Variants in XPO7 observed in about 807,000 individuals in gnomAD.
XPO7 encodes exportin-7.
In XPO7, 21 loss-of-function variants were observed where a neutral mutation model predicts 144.3. The ratio of observed to expected loss-of-function variants is 0.15; its 90% CI spans 0.10 to 0.21. The LOEUF (loss-of-function observed/expected upper bound fraction) is 0.21, where lower values mean the gene tolerates loss of function less well. XPO7 is among the 10% of genes least tolerant of loss of function. The probability of loss-of-function intolerance (pLI) is 1.00; values close to 1 mark genes in which losing one functional copy is unlikely to be tolerated. For missense variants in XPO7, 808 were observed against 1,325.8 expected, an observed-to-expected ratio of 0.61 and a Z score of 6.06; for synonymous variants, 580 against 499.6, an observed-to-expected ratio of 1.16 and a Z score of -2.15.
chr8:21,999,194 T>G lies in XPO7; in HGVS notation c.2532T>G (p.Ser844Arg). Reference sequence around the variant, plus strand: ...TCTCCATGCTGAAGGCTGCTCTCAGTGGGAGTTACGTCAATTTCGGAGTCT... The same window carrying G: ...TCTCCATGCTGAAGGCTGCTCTCAGGGGGAGTTACGTCAATTTCGGAGTCT... ...ICFSMLKAAL[S>R]GSYVNFGVFR... The change falls in exon 23 of 28, where the codon AGT (serine) becomes AGG (arginine). Residue 844 changes from serine to arginine, a missense_variant. Physicochemically the swap from Ser to Arg is moderately radical, Grantham distance 110. Around this residue, in one of 5 missense-constraint regions of XPO7, gnomAD observed 416 missense variants for 612.5 expected, o/e 0.68. Transcript: ENST00000252512. The G allele has an allele frequency of 6.2e-7, 1 of 1,614,008 alleles. No individual in the cohort carries two copies. Among genetic ancestry groups the G allele is most frequent in the Non-Finnish European group, 8.5e-7 (1 of 1,179,894 alleles).
chr8:21,933,686 G>T (rs1308709325), intron 1 of XPO7, among the ~76,000 whole-genome samples: 1 of 152,052 alleles, frequency 6.6e-6, no homozygotes, highest in African/African-American at 2.4e-5. Flanking sequence ...TCTCTACCAG[G>T]TCTACCCCTT....
intron 1 of XPO7, among the ~76,000 whole-genome samples, chr8:21,955,224 A>G (rs201512551): frequency 6.6e-6 from 1 of 152,170 alleles, no homozygotes; most frequent in Admixed American, 6.5e-5. Context: ...AATCAATTCC[A>G]TAAAAGGAAT....
At chr8:21,928,049 A>T (rs1044908608) in intron 1 of XPO7, among the ~76,000 whole-genome samples, 17 of 152,228 alleles carry the variant, frequency 1.1e-4, no homozygotes, top group African/African-American at 3.9e-4. Context: ...TACACCTGTG[A>T]CTCCGGGATC....
intron 9 of XPO7, among the ~76,000 whole-genome samples, 174 bp downstream of exon 9, chr8:21,980,377 C>T (rs867615375): frequency 6.6e-6 from 1 of 152,148 alleles, no homozygotes; most frequent in Admixed American, 6.5e-5. Context: ...AAAAGAGGAG[C>T]TTATATCCTC....
chr8:21,972,976 T>TTA (rs1420054128), intron 5 of XPO7, among the ~76,000 whole-genome samples: 1 of 152,234 alleles, frequency 6.6e-6, no homozygotes, highest in Non-Finnish European at 1.5e-5. Flanking sequence ...GTGATTACTG[T>TTA]TACCACCATT....
rs754934746 is a variant in XPO7, at chr8:22,003,251, T to C, written c.2976T>C (p.Phe992=). ...CCACGGTGCTGAACATCATCATCTT[T>C]GAAGACTGTAGGAACCAGTGGTCTA... ...MLSTVLNIII[F]EDCRNQWSMS... is the part of the protein sequence containing the mutation. Residue 992 remains phenylalanine, a synonymous_variant, in exon 26 of 28, where the codon TTT becomes TTC. Coordinates refer to ENST00000252512, the MANE Select transcript of XPO7 (RefSeq NM_015024.5). 17 of 1,613,322 alleles carry C rather than the reference T, an allele frequency of 1.1e-5. No homozygotes were observed. Among genetic ancestry groups the C allele is most frequent in the Non-Finnish European group, 1.4e-5 (17 of 1,179,658 alleles).
intron 1 of XPO7, among the ~76,000 whole-genome samples, chr8:21,924,264 A>AT (rs980917174): frequency 2.0e-5 from 3 of 152,012 alleles, no homozygotes; most frequent in African/African-American, 4.8e-5. Context: ...CATCTTTGTT[A>AT]TTTTTTTCAA....
At chr8:21,951,353 T>G (rs984467580) in intron 1 of XPO7, among the ~76,000 whole-genome samples, 4 of 152,118 alleles carry the variant, frequency 2.6e-5, no homozygotes, top group African/African-American at 9.7e-5. Flanking sequence ...CATATACTCT[T>G]AATCATCCTT....
intron 17 of XPO7, 29 bp downstream of exon 17, chr8:21,990,436 C>A: frequency 1.9e-6 from 3 of 1,610,640 alleles, no homozygotes; most frequent in South Asian, 1.1e-5. Flanking sequence ...TTTTCCTGGC[C>A]CTCCTACCAC....
intron 19 of XPO7, among the ~76,000 whole-genome samples, chr8:21,993,080 T>C (rs1162770919): frequency 6.6e-6 from 1 of 152,162 alleles, no homozygotes; most frequent in African/African-American, 2.4e-5. Flanking sequence ...CCCCTAATTA[T>C]ACTTGTATTT....
chr8:21,964,613 C>T (rs1174032787), intron 1 of XPO7, among the ~76,000 whole-genome samples: 1 of 141,978 alleles, frequency 7.0e-6, no homozygotes, highest in African/African-American at 2.5e-5. Flanking sequence ...CTTCTGGGAA[C>T]AAAAAAAAAA....
chr8:21,965,879 T>C (rs1811866419), intron 1 of XPO7, among the ~76,000 whole-genome samples: 1 of 152,214 alleles, frequency 6.6e-6, no homozygotes, highest in Non-Finnish European at 1.5e-5. Flanking sequence ...TCCTTTCTAA[T>C]AGTAGGATCC....
intron 1 of XPO7, among the ~76,000 whole-genome samples, chr8:21,952,950 A>C (rs1811419455): frequency 6.6e-6 from 1 of 152,214 alleles, no homozygotes; most frequent in African/African-American, 2.4e-5. Flanking sequence ...TTTTTAGAGC[A>C]GTTTTAGGTT....
At chr8:21,996,345 G>T (rs927070468) in intron 21 of XPO7, among the ~76,000 whole-genome samples, 1 of 152,186 alleles carries the variant, frequency 6.6e-6, no homozygotes, top group Admixed American at 6.5e-5. Flanking sequence ...AGCCTGGGAG[G>T]CAGAGGTTGC....
At chr8:21,947,884 T>G (rs2117282465) in intron 1 of XPO7, among the ~76,000 whole-genome samples, 1 of 152,286 alleles carries the variant, frequency 6.6e-6, no homozygotes, top group Non-Finnish European at 1.5e-5. Context: ...ATGTGCTTTG[T>G]GAAATAGCTT....
chr8:21,952,480 T>C (rs376572490), intron 1 of XPO7, among the ~76,000 whole-genome samples: 37 of 152,348 alleles, frequency 2.4e-4, no homozygotes, highest in African/African-American at 8.7e-4. Context: ...AAGTATACTT[T>C]GCTGACTTAT....
chr8:21,980,333 T>TCTATTTGTAGGCCTATTTGTAGGC, intron 9 of XPO7, 130 bp downstream of exon 9: 1 of 1,191,772 alleles, frequency 8.4e-7, no homozygotes, highest in South Asian at 1.9e-5. Context: ...GAAGTGAATC[T>TCTATTTGTAGGCCTATTTGTAGGC]CTATTTGTAG....
chr8:21,941,240 G>A (rs1164614530), intron 1 of XPO7, among the ~76,000 whole-genome samples: 3 of 150,392 alleles, frequency 2.0e-5, no homozygotes, highest in East Asian at 2.0e-4. Flanking sequence ...CCACAACCCC[G>A]CTCCCTGGAC....
chr8:21,943,958 A>T (rs73672331), intron 1 of XPO7, among the ~76,000 whole-genome samples: 71 of 152,368 alleles, frequency 4.7e-4, no homozygotes, highest in African/African-American at 1.6e-3. Context: ...GAGAAAAGGG[A>T]AATGTTATAG....
Sources: allele counts gnomAD v4.1 joint callset (sites outside exome capture counted in the v4.1 genomes callset), GRCh38; gene constraint gnomAD v4.1.1; regional missense constraint gnomAD v4.1.1; transcripts MANE v1.5; gene names NCBI Gene and HGNC (gene_info 2026-07-23, HGNC 2026-07-21).